The following LSP1 variants were observed in gnomAD, a reference collection of about 807,000 sequenced individuals.
LSP1 encodes lymphocyte specific protein 1, also known as lymphocyte-specific protein 1.
A neutral mutation model predicts 49.3 loss-of-function variants in LSP1; 32 were observed. That is an observed-to-expected ratio of 0.65 (90% CI 0.49 to 0.87). The LOEUF (loss-of-function observed/expected upper bound fraction) is 0.87. Among genes scored for constraint, LSP1 ranks in the 40% least tolerant of loss-of-function variants. The probability of loss-of-function intolerance (pLI) is 0.00; values close to 1 mark genes in which losing one functional copy is unlikely to be tolerated. For synonymous variants in LSP1, 179 were observed against 178.8 expected (o/e 1.00, Z -0.01); for missense variants, 428 against 442.6 (o/e 0.97, Z 0.30).
chr11:1,858,250 C>G (rs1469909529), intron 1 of LSP1, among the ~76,000 whole-genome samples: 1 of 152,142 alleles, frequency 6.6e-6, no homozygotes, highest in Non-Finnish European at 1.5e-5. Flanking sequence ...CCCACAAGAC[C>G]TGCGGGCACC....
chr11:1,889,214 G>A (rs1462109972), intron 10 of LSP1: 1 of 675,996 alleles, frequency 1.5e-6, no homozygotes, highest in African/African-American at 1.8e-5. Flanking sequence ...CCAGGATGGA[G>A]CGGACTGTGG....
chr11:1,859,732 C>T (rs1847578439), intron 1 of LSP1, among the ~76,000 whole-genome samples: 1 of 125,306 alleles, frequency 8.0e-6, no homozygotes, highest in South Asian at 2.8e-4. Flanking sequence ...GCACCCATGA[C>T]CCACCACCCT....
chr11:1,875,090 G>T (rs1473891324), intron 1 of LSP1, among the ~76,000 whole-genome samples: 1 of 148,962 alleles, frequency 6.7e-6, no homozygotes, highest in Admixed American at 6.6e-5. Context: ...TGGGGGCTTC[G>T]GCATGTAAAG....
chr11:1,869,731 C>T lies in LSP1; in HGVS notation c.54-10356C>T, dbSNP rs1016907657. 1.3e-5 allele frequency: 6 copies of T among 470,118 alleles called. No individual in the cohort carries two copies. In the East Asian group the frequency reaches 3.5e-4, roughly 27 times the overall value. 29.1% of individuals were successfully genotyped at this position (470,118 alleles called of 1,614,324 possible). On this transcript the variant is annotated intron_variant, in intron 1 of 10. Transcript: ENST00000311604. The stretch of plus-strand genomic sequence containing the variant: ...GCTGGAGGAACGCAGTGAGGCCAGG[C>T]GAGGGCTGGCGAGCTTGCCAAGGAG...
intron 1 of LSP1, chr11:1,864,155 A>T (rs1342790836): frequency 4.8e-5 from 47 of 980,158 alleles, no homozygotes; most frequent in Non-Finnish European, 5.7e-5. Flanking sequence ...AGGAGAGAGG[A>T]GAGAGGGGCT....
intron 1 of LSP1, among the ~76,000 whole-genome samples, chr11:1,862,862 T>C (rs1442932473): frequency 6.6e-6 from 1 of 152,142 alleles, no homozygotes; most frequent in Non-Finnish European, 1.5e-5. Context: ...GTGAGCTCAC[T>C]AAACATTTGT....
In LSP1 at chr11:1,884,599, T is replaced by C; in HGVS notation, c.717+18T>C. ...CCATCGAGGTATGACCTGGCTCCCC[T>C]CTGCTGTCAGGTCCCTCCTGCATCC... On this transcript the variant is annotated intron_variant, in intron 7 of 10. Transcript: ENST00000311604. This position sits in a 1 kb window ranked among gnomAD's most constrained non-coding sequence, Gnocchi z 4.1. The C allele has an allele frequency of 6.2e-7, 1 of 1,608,482 alleles. No individual in the cohort carries two copies. Among genetic ancestry groups the C allele is most frequent in the Non-Finnish European group, 8.5e-7 (1 of 1,175,080 alleles).
At chr11:1,870,714 G>A (rs1174936740) in intron 1 of LSP1, 1 of 1,016,082 alleles carries the variant, frequency 9.8e-7, no homozygotes, top group Non-Finnish European at 1.2e-6. Context: ...TGGAGGATGG[G>A]AGCGCTTCGG....
At chr11:1,871,023 T>C in intron 1 of LSP1, 1 of 985,122 alleles carries the variant, frequency 1.0e-6, no homozygotes, top group Non-Finnish European at 1.2e-6. Context: ...AGGCACCGAG[T>C]GGGGCTGCAT....
intron 1 of LSP1, among the ~76,000 whole-genome samples, chr11:1,873,998 CTGG>C (rs1848178387): frequency 7.4e-6 from 1 of 135,554 alleles, no homozygotes; most frequent in African/African-American, 3.0e-5. Context: ...AGGAGGGAGG[CTGG>C]CAGAGCAGGG....
intron 1 of LSP1, chr11:1,870,943 CG>C (rs1847972057): frequency 1.0e-6 from 1 of 985,778 alleles, no homozygotes; most frequent in Middle Eastern, 5.2e-4. Flanking sequence ...CGAGCAAAGG[CG>C]GGAGGCGCAG....
Position 1,880,143 on chromosome 11 carries a change from A to G in LSP1, c.110A>G (p.Gln37Arg), listed in dbSNP as rs1434072090. The G allele has an allele frequency of 6.2e-7, 1 of 1,608,626 alleles. No individual in the cohort carries two copies. Among genetic ancestry groups the G allele is most frequent in the East Asian group, 2.3e-5 (1 of 44,440 alleles). Residue 37 changes from glutamine to arginine, a missense_variant, in exon 2 of 11, where the codon CAG (glutamine) becomes CGG (arginine). By Grantham distance (43) the Gln-to-Arg change is conservative. Coordinates refer to ENST00000311604, the MANE Select transcript of LSP1 (RefSeq NM_002339.3). ...GAGGAGGCCGTCCACGAGCAATGCC[A>G]GCATGAGAGAGACAGGCAGCTTCAG... is the stretch of plus-strand genomic sequence containing the variant. ...DEEEAVHEQC[Q>R]HERDRQLQAQ...
At chr11:1,879,985 G>A in intron 1 of LSP1, 102 bp from the exon 2 acceptor site, 1 of 1,418,236 alleles carries the variant, frequency 7.1e-7, no homozygotes, top group East Asian at 2.5e-5. Context: ...AGGGCTGCCT[G>A]CACCGTGTGG....
intron 1 of LSP1, chr11:1,866,611 C>T: frequency 1.3e-6 from 2 of 1,549,212 alleles, no homozygotes; most frequent in Non-Finnish European, 1.7e-6. Flanking sequence ...CCCCATAAGC[C>T]TCCTCCTCCT....
chr11:1,875,170 G>A (rs1350966709), intron 1 of LSP1, among the ~76,000 whole-genome samples: 1 of 150,996 alleles, frequency 6.6e-6, no homozygotes, highest in African/African-American at 2.5e-5. Context: ...CACTGGGCTG[G>A]TGCCGTGGAG....
intron 1 of LSP1, among the ~76,000 whole-genome samples, chr11:1,875,462 C>T (rs1203820367): frequency 6.6e-6 from 1 of 152,246 alleles, no homozygotes; most frequent in Non-Finnish European, 1.5e-5. Context: ...TCTGAGCAAT[C>T]CTGCTCTCTG....
At chr11:1,886,681 A>C (rs764113740) in intron 7 of LSP1, 51 bp from the exon 8 acceptor site, 1 of 1,554,144 alleles carries the variant, frequency 6.4e-7, no homozygotes, top group Admixed American at 1.9e-5. Context: ...CTCTGATGTG[A>C]CCACGGTGGC....
In LSP1 at chr11:1,853,133, G is replaced by C. The variant is rs755213939; in HGVS notation, c.-12G>C. On this transcript the variant is annotated 5_prime_UTR_variant, in exon 1 of 11. Coordinates refer to ENST00000311604, the MANE Select transcript of LSP1 (RefSeq NM_002339.3). ...ATCTGCCAGCACCCTGTGGGGCCCA[G>C]ACTACAGGCTGATGGCGGAGGCTTC... 5.0e-6 allele frequency: 8 copies of C among 1,608,756 alleles called. No homozygotes were observed. In the South Asian group the frequency reaches 8.9e-5, roughly 18 times the overall value.
At chr11:1,872,378 G>A (rs1426598083) in intron 1 of LSP1, among the ~76,000 whole-genome samples, 36 of 144,628 alleles carry the variant, frequency 2.5e-4, no homozygotes, top group Admixed American at 1.1e-3. Context: ...TCTGGCTGGC[G>A]TGGGCACCTT....
Sources: allele counts gnomAD v4.1 joint callset (sites outside exome capture counted in the v4.1 genomes callset), GRCh38; gene constraint gnomAD v4.1.1; non-coding constraint Gnocchi (gnomAD v3.1); transcripts MANE v1.5; gene names NCBI Gene and HGNC (gene_info 2026-07-23, HGNC 2026-07-21).